The following LAMB4 variants were observed in gnomAD, a reference collection of about 807,000 sequenced individuals.
LAMB4 encodes laminin subunit beta 4.
In LAMB4, 196 loss-of-function variants were observed where a neutral mutation model predicts 199.2. The ratio of observed to expected loss-of-function variants is 0.98; its 90% CI spans 0.88 to 1.11. The LOEUF (loss-of-function observed/expected upper bound fraction) is 1.11. Ranked by LOEUF, LAMB4 falls within the 50% of genes least tolerant of loss-of-function variation. The probability of loss-of-function intolerance (pLI) is 0.00; values close to 1 mark genes in which losing one functional copy is unlikely to be tolerated. For synonymous variants in LAMB4, 744 were observed against 770.6 expected, an observed-to-expected ratio of 0.97 and a Z score of 0.57; for missense variants, 2,080 against 2,171.2, an observed-to-expected ratio of 0.96 and a Z score of 0.83.
At chr7:108,091,597 T>G in intron 14 of LAMB4, 29 bp downstream of exon 14, 1 of 1,604,592 alleles carries the variant, frequency 6.2e-7, no homozygotes, top group Non-Finnish European at 8.5e-7. Flanking sequence ...TCAAACACAG[T>G]CTGTAGGGAA....
chr7:108,118,587 A>G (rs1000674155), intron 2 of LAMB4, among the ~76,000 whole-genome samples: 2 of 152,144 alleles, frequency 1.3e-5, no homozygotes, highest in African/African-American at 4.8e-5. Context: ...AAAAAGAAAA[A>G]GAAAAAATGA....
In LAMB4 at chr7:108,069,719, T is replaced by A. The variant is rs747484984; in HGVS notation, c.2291A>T (p.Asp764Val). 2 of 1,613,670 alleles carry A rather than the reference T, an allele frequency of 1.2e-6. No homozygotes were observed. Among genetic ancestry groups the A allele is most frequent in the Admixed American group, 1.7e-5 (1 of 60,000 alleles). ...AAACAGATACTTACCCACAGCCCCA[T>A]CATGCAGCTTGGCAGACATGCTGAT... ...LIISMSAKLH[D>V]GAVACKCHPQ... The change falls in exon 18 of 34, where the codon GAT becomes GTT. Residue 764 changes from aspartate to valine, a missense_variant. By Grantham distance (152) the Asp-to-Val change is radical. Transcript: ENST00000388781.
At chr7:108,014,476 A>G in the LAMB4 span, among the ~76,000 whole-genome samples, 5 of 152,072 alleles carry the variant, frequency 3.3e-5, no homozygotes, top group African/African-American at 1.2e-4. Flanking sequence ...TTTTTTCCTT[A>G]CAGAGAAATG....
At chr7:108,025,109 G>T (rs969564304) in intron 33 of LAMB4, among the ~76,000 whole-genome samples, 1 of 152,192 alleles carries the variant, frequency 6.6e-6, no homozygotes, top group African/African-American at 2.4e-5. Flanking sequence ...AACAAACATT[G>T]AATTAACTGG....
chr7:108,044,626 G>C (rs911040038), intron 28 of LAMB4, among the ~76,000 whole-genome samples: 1 of 152,188 alleles, frequency 6.6e-6, no homozygotes, highest in African/African-American at 2.4e-5. Context: ...TGTGACAGAA[G>C]TAGGGCTAGT....
chr7:108,018,521 T>A, the LAMB4 span, among the ~76,000 whole-genome samples: 1 of 152,026 alleles, frequency 6.6e-6, no homozygotes, highest in African/African-American at 2.4e-5. Context: ...GGGTGGATCA[T>A]GAGGTCGGGA....
At chr7:108,018,168 C>T in the LAMB4 span, among the ~76,000 whole-genome samples, 3,740 of 152,338 alleles carry the variant, frequency 0.025, 75 homozygotes, top group Non-Finnish European at 0.04. Flanking sequence ...TCTTTATGTG[C>T]AAGTTTAAGC....
chr7:108,082,620 A>T (rs1446949118), intron 14 of LAMB4, among the ~76,000 whole-genome samples: 1 of 152,168 alleles, frequency 6.6e-6, no homozygotes, highest in Non-Finnish European at 1.5e-5. Context: ...CCACCTATTG[A>T]TAATTTTCTT....
chr7:108,080,620 T>C (rs1407263717), intron 14 of LAMB4, among the ~76,000 whole-genome samples: 1 of 152,164 alleles, frequency 6.6e-6, no homozygotes, highest in African/African-American at 2.4e-5. Context: ...GCCCTTCATT[T>C]GATAAATGTT....
rs370343084 is a variant in LAMB4, at chr7:108,104,480, G to A, written c.991+19C>T. The stretch of plus-strand genomic sequence containing the variant: ...TGCAGAGCACACTCAGTCTATGCAG[G>A]GAACTGAGTTTCACCCACATCTGCA... On this transcript the variant is annotated intron_variant, in intron 9 of 33. Transcript: ENST00000388781. 4.3e-5 allele frequency: 69 copies of A among 1,613,728 alleles called. No homozygotes were observed. The highest frequency in any genetic ancestry group is 5.5e-5 in the Non-Finnish European group (65 of 1,179,834).
At chr7:108,094,908 C>T (rs966116729) in intron 12 of LAMB4, among the ~76,000 whole-genome samples, 4 of 152,118 alleles carry the variant, frequency 2.6e-5, no homozygotes, top group African/African-American at 9.7e-5. Flanking sequence ...TGGCCCAAAA[C>T]ATAGACAGAT....
chr7:108,030,937 C>T lies in LAMB4; in HGVS notation c.4861G>A (p.Ala1621Thr), dbSNP rs199593686. The change falls in exon 32 of 34, where the codon GCA becomes ACA. Residue 1621 changes from alanine (A) to threonine (T), a missense_variant. Coordinates refer to ENST00000388781, the MANE Select transcript of LAMB4 (RefSeq NM_007356.3). ...TCCTCCAGCCCTGATCGCTGCTTTG[C>T]TAACTCCAGCTCACTCTTCATTTCC... ...TREMKSELEL[A>T]KQRSGLEDGL... The T allele has an allele frequency of 6.2e-7, 1 of 1,613,992 alleles. No individual in the cohort carries two copies. The highest frequency in any genetic ancestry group is 8.5e-7 in the Non-Finnish European group (1 of 1,179,932).
intron 27 of LAMB4, 70 bp downstream of exon 27, chr7:108,049,256 T>G: frequency 1.8e-6 from 1 of 559,608 alleles, no homozygotes; most frequent in East Asian, 3.1e-5. Flanking sequence ...GCTAGGGAAA[T>G]ATCATTGAAG....
At chr7:108,106,748 T>G (rs181900569) in intron 6 of LAMB4, among the ~76,000 whole-genome samples, 176 bp from the exon 7 acceptor site, 1 of 152,116 alleles carries the variant, frequency 6.6e-6, no homozygotes, top group Admixed American at 6.5e-5. Context: ...AAGATTTTTG[T>G]AGAGGTGGGG....
intron 11 of LAMB4, 44 bp downstream of exon 11, chr7:108,098,359 T>C (rs2037697116): frequency 2.0e-6 from 3 of 1,514,732 alleles, no homozygotes; most frequent in South Asian, 2.6e-5. Context: ...ACCAACCACA[T>C]AGGGGTTGAT....
chr7:108,014,335 G>A, the LAMB4 span, among the ~76,000 whole-genome samples: 1 of 152,194 alleles, frequency 6.6e-6, no homozygotes, highest in Non-Finnish European at 1.5e-5. Flanking sequence ...GAGTTGAGTA[G>A]GAAGTGTTAT....
intron 19 of LAMB4, among the ~76,000 whole-genome samples, chr7:108,067,201 T>G (rs555891841): frequency 2.6e-5 from 4 of 152,306 alleles, no homozygotes; most frequent in Admixed American, 2.0e-4. Flanking sequence ...TTTGTAACTT[T>G]TCTTAAAAAA....
chr7:108,096,093 T>C (rs1420977447), intron 11 of LAMB4, among the ~76,000 whole-genome samples: 2 of 152,206 alleles, frequency 1.3e-5, no homozygotes, highest in Non-Finnish European at 2.9e-5. Flanking sequence ...CATCGTTGCA[T>C]AAACAAACTC....
chr7:108,128,409 T>G (rs2038870006), intron 1 of LAMB4, among the ~76,000 whole-genome samples: 1 of 152,102 alleles, frequency 6.6e-6, no homozygotes, highest in Non-Finnish European at 1.5e-5. Flanking sequence ...TCTACAATAT[T>G]TCTGGGCCCT....
Sources: allele counts gnomAD v4.1 joint callset (sites outside exome capture counted in the v4.1 genomes callset), GRCh38; gene constraint gnomAD v4.1.1; transcripts MANE v1.5; gene names NCBI Gene and HGNC (gene_info 2026-07-23, HGNC 2026-07-21).